The following SLC35F3 variants were observed in gnomAD, a reference collection of about 807,000 sequenced individuals.
SLC35F3 encodes solute carrier family 35 member F3.
In SLC35F3, 25 loss-of-function variants were observed where a neutral mutation model predicts 49.9. That is an observed-to-expected ratio of 0.50 (90% CI 0.37 to 0.70). The LOEUF is 0.70. Among genes scored for constraint, SLC35F3 ranks in the 30% least tolerant of loss-of-function variants. The probability of loss-of-function intolerance (pLI) is 0.00; values close to 1 mark genes in which losing one functional copy is unlikely to be tolerated. For missense variants in SLC35F3, 525 were observed against 639.8 expected, an observed-to-expected ratio of 0.82 and a Z score of 1.94; for synonymous variants, 275 against 265.4, an observed-to-expected ratio of 1.04 and a Z score of -0.35.
intron 2 of SLC35F3, among the ~76,000 whole-genome samples, chr1:234,005,322 T>G (rs1663612483): frequency 6.6e-6 from 1 of 152,210 alleles, no homozygotes; most frequent in Non-Finnish European, 1.5e-5. Context: ...ACCATTTTCT[T>G]GAGCTCAGCT....
At chr1:234,146,117 G>A (rs543944230) in intron 2 of SLC35F3, among the ~76,000 whole-genome samples, 236 of 151,900 alleles carry the variant, frequency 1.6e-3, no homozygotes, top group Non-Finnish European at 2.6e-3. Flanking sequence ...TTAATTACTG[G>A]TGGCAACTGT....
chr1:234,219,076 A>G (rs1667164457), intron 2 of SLC35F3, among the ~76,000 whole-genome samples: 1 of 149,998 alleles, frequency 6.7e-6, no homozygotes, highest in Admixed American at 6.6e-5. Context: ...AAAAAAAAAA[A>G]GCTCCCACTG....
intron 2 of SLC35F3, among the ~76,000 whole-genome samples, chr1:234,211,360 C>A (rs1667044221): frequency 6.6e-6 from 1 of 152,194 alleles, no homozygotes; most frequent in Non-Finnish European, 1.5e-5. Context: ...CCTCCAGACC[C>A]CAGAATGGTA....
chr1:234,239,353 C>T (rs1199668889), intron 3 of SLC35F3, among the ~76,000 whole-genome samples: 1 of 152,156 alleles, frequency 6.6e-6, no homozygotes, highest in African/African-American at 2.4e-5. Flanking sequence ...GCTCAGGCAC[C>T]ACCCCATCCT....
At chr1:234,196,769 G>A (rs529918098) in intron 2 of SLC35F3, among the ~76,000 whole-genome samples, 8 of 152,128 alleles carry the variant, frequency 5.3e-5, no homozygotes, top group South Asian at 2.1e-4. Context: ...GTGAAACCTC[G>A]TCTCTACTAA....
rs536692686 is a variant in SLC35F3 at position 234,232,519 on chromosome 1, CAAAAAAAAAAA to C, written c.608+789_608+799del. On this transcript the variant is annotated intron_variant, in intron 3 of 7. Coordinates refer to ENST00000366618, the MANE Select transcript of SLC35F3 (RefSeq NM_173508.4). Reference sequence around the variant, plus strand: ...ATGGGCGTCCCAAATCAGGCCTAGTCAAAAAAAAAAAAAAAAAAAAAGAAAAAGAAAAAAAG... The same window carrying C: ...ATGGGCGTCCCAAATCAGGCCTAGTCAAAAAAAAAAGAAAAAGAAAAAAAG... Among the ~76,000 whole-genome samples, 642 of 72,364 alleles carry C rather than the reference CAAAAAAAAAAA, an allele frequency of 8.9e-3. 2 individuals carry two copies. The highest frequency in any genetic ancestry group is 0.018 in the Admixed American group (92 of 5,192). 47.5% of individuals were successfully genotyped at this position (72,364 alleles called of 152,430 possible). A position where few individuals can be genotyped will look rare whatever the true frequency, so the allele number is the denominator to read the frequency against.
At chr1:234,102,988 T>G (rs1665234759) in intron 2 of SLC35F3, among the ~76,000 whole-genome samples, 2 of 152,146 alleles carry the variant, frequency 1.3e-5, no homozygotes, top group Admixed American at 1.3e-4. Flanking sequence ...ATCAACATTA[T>G]GCAAAGTTCA....
chr1:233,968,467 GTTTTTCTTTTTC>G (rs200693234), intron 2 of SLC35F3, among the ~76,000 whole-genome samples: 30,501 of 103,272 alleles, frequency 0.3, 3,305 homozygotes, highest in East Asian at 0.4. Context: ...TAAATAGGTA[GTTTTTCTTTTTC>G]TTTTTCTTTT....
intron 2 of SLC35F3, among the ~76,000 whole-genome samples, chr1:234,112,303 A>G (rs957262196): frequency 3.3e-5 from 5 of 152,204 alleles, no homozygotes; most frequent in Non-Finnish European, 7.3e-5. Context: ...GCAGTGAGCC[A>G]GGATCACACC....
chr1:234,144,902 G>A (rs1665974572), intron 2 of SLC35F3, among the ~76,000 whole-genome samples: 1 of 152,214 alleles, frequency 6.6e-6, no homozygotes, highest in African/African-American at 2.4e-5. Flanking sequence ...AATACGTGGT[G>A]TGGGAGCAGG....
At chr1:234,149,596 C>T (rs940664385) in intron 2 of SLC35F3, among the ~76,000 whole-genome samples, 6 of 152,160 alleles carry the variant, frequency 3.9e-5, no homozygotes, top group African/African-American at 1.4e-4. Context: ...CAAAGAGAGG[C>T]ATCCCTAATC....
At chr1:233,980,775 C>T (rs937509316) in intron 2 of SLC35F3, among the ~76,000 whole-genome samples, 2 of 152,168 alleles carry the variant, frequency 1.3e-5, no homozygotes, top group Admixed American at 1.3e-4. Flanking sequence ...CCCTTCACAT[C>T]GTACTGTCAA....
At chr1:234,048,832 T>G (rs763259445) in intron 2 of SLC35F3, among the ~76,000 whole-genome samples, 2 of 152,218 alleles carry the variant, frequency 1.3e-5, no homozygotes, top group Non-Finnish European at 1.5e-5. Flanking sequence ...AGCCTTAAGA[T>G]TTAGTGTAAC....
chr1:233,938,145 A>T (rs566088753), intron 2 of SLC35F3, among the ~76,000 whole-genome samples: 1 of 152,262 alleles, frequency 6.6e-6, no homozygotes, highest in South Asian at 2.1e-4. Flanking sequence ...GGAAGTAACT[A>T]AAAATTCACA....
At chr1:234,092,688 C>G (rs1476272335) in intron 2 of SLC35F3, among the ~76,000 whole-genome samples, 1 of 151,910 alleles carries the variant, frequency 6.6e-6, no homozygotes, top group Non-Finnish European at 1.5e-5. Context: ...GACAACATAG[C>G]AAGATCCCAT....
chr1:234,186,996 A>G (rs1189925249), intron 2 of SLC35F3, among the ~76,000 whole-genome samples: 2 of 151,778 alleles, frequency 1.3e-5, no homozygotes, highest in Non-Finnish European at 2.9e-5. Context: ...CATCTCAGGT[A>G]CTCTAGCTTT....
At chr1:233,978,223 G>A (rs1663122053) in intron 2 of SLC35F3, among the ~76,000 whole-genome samples, 1 of 152,144 alleles carries the variant, frequency 6.6e-6, no homozygotes, top group Non-Finnish European at 1.5e-5. Context: ...GGTTGGCAGT[G>A]GCTTGTTGAA....
At chr1:233,922,087 G>A (rs1662072341) in intron 2 of SLC35F3, among the ~76,000 whole-genome samples, 1 of 152,164 alleles carries the variant, frequency 6.6e-6, no homozygotes, top group African/African-American at 2.4e-5. Flanking sequence ...ATTGTGAATA[G>A]TGCTGCAGTA....
chr1:234,283,288 A>G (rs1436386883), intron 3 of SLC35F3, among the ~76,000 whole-genome samples: 1 of 152,242 alleles, frequency 6.6e-6, no homozygotes, highest in African/African-American at 2.4e-5. Context: ...TTAATTTTGT[A>G]GGATTGATTT....
Sources: allele counts gnomAD v4.1 joint callset (sites outside exome capture counted in the v4.1 genomes callset), GRCh38; gene constraint gnomAD v4.1.1; transcripts MANE v1.5; gene names NCBI Gene and HGNC (gene_info 2026-07-23, HGNC 2026-07-21).